LRP1B: variants seen among roughly 807,000 people sequenced by gnomAD.
LRP1B encodes low-density lipoprotein receptor-related protein 1B.
LRP1B carries 217 observed loss-of-function variants against 556.6 expected under a neutral mutation model. The ratio of observed to expected loss-of-function variants is 0.39; its 90% confidence interval spans 0.35 to 0.44. LRP1B has a LOEUF of 0.44. LRP1B is among the 20% of genes least tolerant of loss of function. The pLI, the probability that LRP1B is intolerant of heterozygous loss-of-function variation, is 1.00. For synonymous variants in LRP1B, 2,047 were observed against 1,865.8 expected, an observed-to-expected ratio of 1.10 and a Z score of -2.50; for missense variants, 5,053 against 5,620.8, an observed-to-expected ratio of 0.90 and a Z score of 3.23.
intron 43 of LRP1B, among the ~76,000 whole-genome samples, chr2:140,584,387 CATATATAT>C (rs35137673): frequency 1.5e-4 from 22 of 149,842 alleles, no homozygotes; most frequent in Non-Finnish European, 4.5e-5. Flanking sequence ...GAAATGTGCT[CATATATAT>C]ATATATATAT....
chr2:141,842,072 C>T (rs186490837), intron 1 of LRP1B, among the ~76,000 whole-genome samples: 3 of 152,036 alleles, frequency 2.0e-5, no homozygotes, highest in Admixed American at 2.0e-4. Context: ...ATTTTTAATG[C>T]CATGTGTAAG....
At chr2:141,133,780 GGATA>G (rs1434439715) in intron 7 of LRP1B, among the ~76,000 whole-genome samples, 1 of 151,882 alleles carries the variant, frequency 6.6e-6, no homozygotes, top group Non-Finnish European at 1.5e-5. Flanking sequence ...GTTAAAGAAT[GGATA>G]GATGAATAAT....
chr2:140,507,008 T>C (rs935496511), intron 52 of LRP1B, 90 bp from the exon 53 acceptor site: 27 of 1,333,776 alleles, frequency 2.0e-5, no homozygotes, highest in Non-Finnish European at 2.8e-5. Flanking sequence ...TAAAATCATA[T>C]CCAATAATTC....
chr2:141,213,396 C>T (rs933378709), intron 6 of LRP1B, among the ~76,000 whole-genome samples: 11 of 152,144 alleles, frequency 7.2e-5, no homozygotes, highest in African/African-American at 1.2e-4. Context: ...CCCAGCAGCT[C>T]GGGGCATCAG....
At chr2:141,079,783 A>G (rs1699879931) in intron 7 of LRP1B, among the ~76,000 whole-genome samples, 1 of 152,202 alleles carries the variant, frequency 6.6e-6, no homozygotes, top group Non-Finnish European at 1.5e-5. Flanking sequence ...AGATGATCTC[A>G]TTGATCATGA....
intron 18 of LRP1B, among the ~76,000 whole-genome samples, chr2:140,952,258 C>T (rs967103302): frequency 1.3e-5 from 2 of 151,958 alleles, no homozygotes; most frequent in Non-Finnish European, 2.9e-5. Context: ...AACATTCACT[C>T]AGTGGATAAC....
intron 2 of LRP1B, among the ~76,000 whole-genome samples, chr2:141,579,955 C>T (rs62166481): frequency 0.16 from 23,572 of 151,924 alleles, 2,668 homozygotes; most frequent in African/African-American, 0.31. Context: ...CCGTCTGGGC[C>T]TCCCAAAGTT....
intron 3 of LRP1B, among the ~76,000 whole-genome samples, chr2:141,304,872 A>G (rs1474426790): frequency 1.3e-5 from 2 of 151,996 alleles, no homozygotes; most frequent in African/African-American, 4.8e-5. Flanking sequence ...TCTTTCCTTG[A>G]TGTTTCTTCT....
chr2:140,803,283 T>A (rs199970349), intron 32 of LRP1B, among the ~76,000 whole-genome samples: 2 of 124,456 alleles, frequency 1.6e-5, no homozygotes, highest in Non-Finnish European at 3.3e-5. Context: ...TTTTTTTTTT[T>A]TTTTTTTCCG....
At chr2:140,743,723 G>A (rs2104873163) in intron 35 of LRP1B, among the ~76,000 whole-genome samples, 1 of 152,068 alleles carries the variant, frequency 6.6e-6, no homozygotes, top group Non-Finnish European at 1.5e-5. Flanking sequence ...ACTTTGAAAG[G>A]CTGAGGCGGG....
At chr2:141,829,755 T>C (rs1295596569) in intron 1 of LRP1B, among the ~76,000 whole-genome samples, 2 of 152,112 alleles carry the variant, frequency 1.3e-5, no homozygotes, top group African/African-American at 4.8e-5. Context: ...TTGAATCTTC[T>C]TTTTTACTTA....
chr2:141,894,495 C>T (rs1171415584), intron 1 of LRP1B, among the ~76,000 whole-genome samples: 1 of 151,870 alleles, frequency 6.6e-6, no homozygotes, highest in Non-Finnish European at 1.5e-5. Flanking sequence ...AGCTGTAAGA[C>T]ATTACTAAGA....
chr2:141,332,482 A>T (rs868388425), intron 3 of LRP1B, among the ~76,000 whole-genome samples: 1 of 151,338 alleles, frequency 6.6e-6, no homozygotes, highest in Non-Finnish European at 1.5e-5. Context: ...TATATGCATC[A>T]TCTAAGGCCC....
intron 1 of LRP1B, among the ~76,000 whole-genome samples, chr2:142,037,992 G>T (rs1334375649): frequency 1.3e-5 from 2 of 151,412 alleles, no homozygotes; most frequent in Admixed American, 1.3e-4. Context: ...TCCATATCTG[G>T]AGTGCTCTTA....
At chr2:141,016,821 T>C (rs1697913231) in intron 12 of LRP1B, among the ~76,000 whole-genome samples, 1 of 152,072 alleles carries the variant, frequency 6.6e-6, no homozygotes, top group Non-Finnish European at 1.5e-5. Context: ...AAATCTTTGC[T>C]AAGCTGCTGA....
chr2:141,335,945 T>C (rs1296495078), intron 3 of LRP1B, among the ~76,000 whole-genome samples: 1 of 152,166 alleles, frequency 6.6e-6, no homozygotes, highest in Non-Finnish European at 1.5e-5. Flanking sequence ...TAAAATAATA[T>C]GAAGCATACT....
At chr2:140,825,655 C>T (rs1265251467) in intron 31 of LRP1B, among the ~76,000 whole-genome samples, 1 of 152,034 alleles carries the variant, frequency 6.6e-6, no homozygotes, top group Non-Finnish European at 1.5e-5. Flanking sequence ...AATCATAATT[C>T]ATGTATTTTG....
intron 3 of LRP1B, among the ~76,000 whole-genome samples, chr2:141,277,210 G>A (rs1008263612): frequency 1.7e-4 from 26 of 152,116 alleles, no homozygotes; most frequent in African/African-American, 6.0e-4. Context: ...TTGAGAAATC[G>A]CCAACCTACT....
intron 11 of LRP1B, among the ~76,000 whole-genome samples, chr2:141,033,020 G>C (rs2105417983): frequency 6.6e-6 from 1 of 151,970 alleles, no homozygotes; most frequent in East Asian, 1.9e-4. Flanking sequence ...TGGGGCTGCT[G>C]GAGAGACAGT....
Sources: allele counts gnomAD v4.1 joint callset (sites outside exome capture counted in the v4.1 genomes callset), GRCh38; gene constraint gnomAD v4.1.1; transcripts MANE v1.5; gene names NCBI Gene and HGNC (gene_info 2026-07-23, HGNC 2026-07-21).